The following ADCY9 variants were observed in gnomAD, a reference collection of about 807,000 sequenced individuals.
ADCY9 encodes the protein adenylate cyclase 9, also known as adenylate cyclase type 9.
In ADCY9, 50 loss-of-function variants were observed where a neutral mutation model predicts 101.5. The observed-to-expected ratio is 0.49, with a 90% CI of 0.39 to 0.62. The LOEUF (loss-of-function observed/expected upper bound fraction) is 0.62, where lower values mean the gene tolerates loss of function less well. Ranked by LOEUF, ADCY9 falls within the 20% of genes least tolerant of loss-of-function variation. The pLI, the probability that ADCY9 is intolerant of heterozygous loss-of-function variation, is 0.00. For missense variants in ADCY9, 1,662 were observed against 1,800.4 expected (o/e 0.92, Z 1.39); for synonymous variants, 905 against 769.3 (o/e 1.18, Z -2.92).
intron 6 of ADCY9, among the ~76,000 whole-genome samples, chr16:3,987,541 T>C (rs2056204032): frequency 6.6e-6 from 1 of 152,234 alleles, no homozygotes; most frequent in Non-Finnish European, 1.5e-5. Context: ...GCTATGAGCA[T>C]TAAATGAGAC....
downstream of ADCY9, among the ~76,000 whole-genome samples, chr16:3,961,310 A>G (rs1313497552): frequency 6.6e-6 from 1 of 152,022 alleles, no homozygotes; most frequent in East Asian, 1.9e-4. Flanking sequence ...TTAGCTGGGC[A>G]TGGTGTTGCG....
At chr16:4,091,353 C>T (rs2056972574) in intron 2 of ADCY9, among the ~76,000 whole-genome samples, 1 of 152,208 alleles carries the variant, frequency 6.6e-6, no homozygotes, top group Non-Finnish European at 1.5e-5. Flanking sequence ...GGATTACAGG[C>T]GTGAGCCACT....
intron 2 of ADCY9, among the ~76,000 whole-genome samples, chr16:4,011,947 C>T (rs1374073429): frequency 1.3e-5 from 2 of 152,230 alleles, no homozygotes; most frequent in Admixed American, 1.3e-4. Context: ...AACACGCACG[C>T]AGCAAGCACT....
intron 3 of ADCY9, among the ~76,000 whole-genome samples, chr16:4,001,071 G>A (rs1028589363): frequency 6.6e-6 from 1 of 150,610 alleles, no homozygotes; most frequent in Non-Finnish European, 1.5e-5. Context: ...ACAGTTCAAG[G>A]ACTCTGCATA....
At position 3,977,517 on chromosome 16, in the gene ADCY9, C is replaced by T. The variant is rs142991024; in HGVS notation, c.2793G>A (p.Pro931=). Residue 931 remains proline, a synonymous_variant, in exon 9 of 11, where the codon CCG becomes CCA. Transcript: ENST00000294016. ...ACAGGGAGACGTAGAGCAGGAGCAG[C>T]GGCCCGGCCCCCACGACGGTGGCGA... The part of the protein sequence containing the change: ...SSLATVVGAG[P]LLLLYVSLCP... The T allele has an allele frequency of 2.9e-3, 4,531 of 1,583,542 alleles. 17 individuals carry two copies. Among genetic ancestry groups the T allele is most frequent in the Non-Finnish European group, 3.3e-3 (3,830 of 1,165,020 alleles).
intron 2 of ADCY9, among the ~76,000 whole-genome samples, chr16:4,099,869 T>G (rs1008141815): frequency 6.6e-6 from 1 of 152,178 alleles, no homozygotes; most frequent in Non-Finnish European, 1.5e-5. Flanking sequence ...CTAGGCAACA[T>G]GGCAAGACCC....
intron 2 of ADCY9, among the ~76,000 whole-genome samples, chr16:4,071,366 C>CAAAAAAAAAAAAAAAAAAAAAAAA (rs1004438307): frequency 2.2e-5 from 2 of 89,248 alleles, no homozygotes; most frequent in Non-Finnish European, 4.6e-5. Context: ...AAAAAAAAAT[C>CAAAAAAAAAAAAAAAAAAAAAAAA]AAAAAAGTTG....
intron 10 of ADCY9, among the ~76,000 whole-genome samples, chr16:3,969,609 T>TATATACAC (rs1321798408): frequency 1.1e-5 from 1 of 94,938 alleles, no homozygotes; most frequent in Non-Finnish European, 1.9e-5. Flanking sequence ...TATATATATA[T>TATATACAC]GTATTTTTTT....
chr16:4,108,376 T>TTTTTTA (rs1555447307), intron 2 of ADCY9, among the ~76,000 whole-genome samples: 1 of 140,828 alleles, frequency 7.1e-6, no homozygotes, highest in Non-Finnish European at 1.5e-5. Context: ...TTTTTTTTTT[T>TTTTTTA]TTTTTTTTTT....
intron 2 of ADCY9, among the ~76,000 whole-genome samples, chr16:4,099,852 G>A (rs1161675762): frequency 6.6e-6 from 1 of 152,218 alleles, no homozygotes; most frequent in African/African-American, 2.4e-5. Flanking sequence ...AGGAGTTTGA[G>A]ACCAGCCTAG....
chr16:4,056,202 C>T (rs1453839916), intron 2 of ADCY9, among the ~76,000 whole-genome samples: 3 of 152,172 alleles, frequency 2.0e-5, no homozygotes, highest in Admixed American at 2.0e-4. Flanking sequence ...ATCTCCAGGC[C>T]CAGCAGTTTT....
In ADCY9 at chr16:3,963,378, C is replaced by T. The variant is rs544664468; in HGVS notation, c.*2397G>A. The T allele has an allele frequency of 3.0e-5, 12 of 398,798 alleles. No individual in the cohort carries two copies. The highest frequency in any genetic ancestry group is 1.4e-4 in the African/African-American group (7 of 48,702). 24.7% of individuals were successfully genotyped at this position (398,798 alleles called of 1,614,324 possible). On this transcript the variant is annotated 3_prime_UTR_variant, in exon 11 of 11. Transcript: ENST00000294016. The stretch of plus-strand genomic sequence containing the variant: ...ACAGACAAGAGATGCACGGCGTTTC[C>T]GCTGCAGAGATTCTGTGGTTCTGCA...
At chr16:4,094,437 T>C (rs1344983949) in intron 2 of ADCY9, among the ~76,000 whole-genome samples, 1 of 152,210 alleles carries the variant, frequency 6.6e-6, no homozygotes, top group Non-Finnish European at 1.5e-5. Context: ...GTCATGTGGC[T>C]TTCCAGCAGC....
chr16:4,000,028 G>A (rs976097805), intron 3 of ADCY9, among the ~76,000 whole-genome samples: 8 of 152,130 alleles, frequency 5.3e-5, no homozygotes, highest in Non-Finnish European at 1.0e-4. Context: ...AAGAGCCCTG[G>A]CTTTGCCTGC....
At chr16:4,058,546 T>C (rs180699468) in intron 2 of ADCY9, among the ~76,000 whole-genome samples, 66 of 151,570 alleles carry the variant, frequency 4.4e-4, no homozygotes, top group African/African-American at 1.5e-3. Context: ...CGGAACCCCA[T>C]GCTACACTGA....
rs117865538 is a variant in ADCY9 at position 4,076,439 on chromosome 16, T to A, written c.1693+37311A>T. On this transcript the variant is annotated intron_variant, in intron 2 of 10. Coordinates refer to ENST00000294016, the MANE Select transcript of ADCY9 (RefSeq NM_001116.4). ...CAAAGAAAAAGGCTCCAGTTTTCTG[T>A]TTCGTGTTCCATCAGCTTACATAAC... Among the ~76,000 whole-genome samples, 971 of 152,334 alleles carry A rather than the reference T, an allele frequency of 6.4e-3. 14 individuals are homozygous for A. The highest frequency in any genetic ancestry group is 0.023 in the South Asian group (110 of 4,826).
At chr16:4,062,105 A>G (rs1214824300) in intron 2 of ADCY9, among the ~76,000 whole-genome samples, 1 of 152,126 alleles carries the variant, frequency 6.6e-6, no homozygotes, top group Non-Finnish European at 1.5e-5. Flanking sequence ...GATCACTTGA[A>G]TCCAGGAGTT....
intron 2 of ADCY9, among the ~76,000 whole-genome samples, chr16:4,056,839 C>G (rs947692267): frequency 6.6e-6 from 1 of 152,130 alleles, no homozygotes; most frequent in African/African-American, 2.4e-5. Flanking sequence ...CTCTGGTTGA[C>G]AAGGCGGCCA....
chr16:3,960,645 C>A (rs2055932238), downstream of ADCY9, among the ~76,000 whole-genome samples: 1 of 152,112 alleles, frequency 6.6e-6, no homozygotes, highest in African/African-American at 2.4e-5. Flanking sequence ...CCAAACCTGT[C>A]CCCACCCCGG....
Sources: gnomAD v4.1 joint callset for allele counts (sites outside exome capture counted in the v4.1 genomes callset) on GRCh38, gnomAD v4.1.1 for gene constraint, MANE v1.5 for transcripts, NCBI Gene and HGNC (gene_info 2026-07-23, HGNC 2026-07-21) for gene names.